The following TMEM63C variants were observed in gnomAD, a reference collection of about 807,000 sequenced individuals.
The protein encoded by TMEM63C is osmosensitive cation channel TMEM63C.
TMEM63C carries 32 observed loss-of-function variants against 99.2 expected under a neutral mutation model. The observed-to-expected ratio is 0.32, with a 90% CI of 0.24 to 0.43. The LOEUF (loss-of-function observed/expected upper bound fraction) is 0.43, where lower values mean the gene tolerates loss of function less well. TMEM63C is among the 20% of genes least tolerant of loss of function. The pLI is 1.00. For synonymous variants in TMEM63C, 376 were observed against 397.9 expected (o/e 0.94, Z 0.66); for missense variants, 826 against 1,053.0 (o/e 0.78, Z 2.98).
At chr14:77,248,644 C>A in intron 19 of TMEM63C, 123 bp from the exon 20 acceptor site, 1 of 1,495,344 alleles carries the variant, frequency 6.7e-7, no homozygotes. Context: ...GCACCTTGGT[C>A]TACAGGGTTG....
chr14:77,239,121 T>C (rs1196873343), intron 10 of TMEM63C, among the ~76,000 whole-genome samples: 2 of 152,242 alleles, frequency 1.3e-5, no homozygotes, highest in African/African-American at 4.8e-5. Flanking sequence ...CCAAGGACAC[T>C]GTTCACTGAG....
chr14:77,244,598 A>G, intron 16 of TMEM63C, 143 bp downstream of exon 16: 1 of 668,888 alleles, frequency 1.5e-6, no homozygotes, highest in Non-Finnish European at 2.6e-6. Context: ...ACCTGAAACC[A>G]TCCCCAAAGA....
At chr14:77,205,613 C>G (rs1888383520) in intron 1 of TMEM63C, among the ~76,000 whole-genome samples, 1 of 152,122 alleles carries the variant, frequency 6.6e-6, no homozygotes, top group African/African-American at 2.4e-5. Context: ...GGGGGAGGAT[C>G]AAGGTCCTCC....
intron 1 of TMEM63C, among the ~76,000 whole-genome samples, chr14:77,189,451 T>C (rs7144771): frequency 0.096 from 14,629 of 152,148 alleles, 1,045 homozygotes; most frequent in African/African-American, 0.21. Context: ...CACAAAACTG[T>C]ACTAGCTATG....
At chr14:77,250,659 C>T (rs1402578243) in intron 21 of TMEM63C, among the ~76,000 whole-genome samples, 2 of 152,014 alleles carry the variant, frequency 1.3e-5, no homozygotes, top group Non-Finnish European at 2.9e-5. Flanking sequence ...AGGCTGGTCT[C>T]GAACTCCTGA....
At chr14:77,243,880 A>G (rs1889224547) in intron 15 of TMEM63C, among the ~76,000 whole-genome samples, 1 of 152,086 alleles carries the variant, frequency 6.6e-6, no homozygotes, top group Admixed American at 6.5e-5. Flanking sequence ...GTGTGCATGC[A>G]CACACGTACA....
chr14:77,199,881 G>A (rs1258604160), intron 1 of TMEM63C, among the ~76,000 whole-genome samples: 1 of 152,338 alleles, frequency 6.6e-6, no homozygotes, highest in South Asian at 2.1e-4. Context: ...CAGAAGTGGA[G>A]GCGGGCAAGA....
intron 5 of TMEM63C, among the ~76,000 whole-genome samples, chr14:77,220,879 C>G (rs1191260744): frequency 1.4e-5 from 2 of 141,722 alleles, no homozygotes; most frequent in East Asian, 4.1e-4. Context: ...GCCTCCCACT[C>G]ACGCCCCGCC....
intron 1 of TMEM63C, among the ~76,000 whole-genome samples, chr14:77,190,654 GAAAT>G (rs1201386674): frequency 2.0e-5 from 3 of 152,038 alleles, no homozygotes; most frequent in Non-Finnish European, 2.9e-5. Context: ...TAGCTCAAAA[GAAAT>G]AAAAAATCAT....
At chr14:77,205,922 T>C (rs1049581569) in intron 1 of TMEM63C, among the ~76,000 whole-genome samples, 1 of 152,194 alleles carries the variant, frequency 6.6e-6, no homozygotes, top group Non-Finnish European at 1.5e-5. Flanking sequence ...ACACCCACTC[T>C]GGGCCTCAGC....
rs1317379377 is a variant in TMEM63C, at chr14:77,249,477, T to C, written c.2038+19T>C. The C allele has an allele frequency of 6.2e-7, 1 of 1,612,608 alleles. No individual in the cohort carries two copies. The highest frequency in any genetic ancestry group is 8.5e-7 in the Non-Finnish European group (1 of 1,179,070). Reference sequence around the variant, plus strand: ...CGGTTGGGTAGGTACCAAGCCAGCCTGGAGACCCCACCTCCACCTGCCCCA... The same window carrying C: ...CGGTTGGGTAGGTACCAAGCCAGCCCGGAGACCCCACCTCCACCTGCCCCA... On this transcript the variant is annotated intron_variant, in intron 21 of 23. Transcript: ENST00000298351.
intron 2 of TMEM63C, among the ~76,000 whole-genome samples, chr14:77,215,955 G>C (rs60467172): frequency 0.017 from 2,608 of 152,242 alleles, 76 homozygotes; most frequent in African/African-American, 0.06. Context: ...TTCCTCTCCT[G>C]TCATTCTCTC....
intron 5 of TMEM63C, among the ~76,000 whole-genome samples, chr14:77,222,196 C>T (rs1888735366): frequency 6.6e-6 from 1 of 152,208 alleles, no homozygotes; most frequent in African/African-American, 2.4e-5. Context: ...CAAAACATTT[C>T]ATGATATCCC....
At position 77,243,069 on chromosome 14, in the gene TMEM63C, C is replaced by T. The variant is rs1417331392; in HGVS notation, c.1341+13C>T. On this transcript the variant is annotated intron_variant, in intron 15 of 23. Coordinates refer to ENST00000298351, the MANE Select transcript of TMEM63C (RefSeq NM_020431.4). ...CGAGAAGCTGCAGGTGCCTCCTCTG[C>T]TCAGGCCAGGCCTGGGGACCCCAGG... 6 of 1,613,268 alleles carry T rather than the reference C, an allele frequency of 3.7e-6. No individual in the cohort carries two copies. Among genetic ancestry groups the T allele is most frequent in the Non-Finnish European group, 5.1e-6 (6 of 1,179,744 alleles).
At chr14:77,219,827 T>C (rs911061231) in intron 4 of TMEM63C, among the ~76,000 whole-genome samples, 179 bp from the exon 5 acceptor site, 1 of 152,204 alleles carries the variant, frequency 6.6e-6, no homozygotes, top group African/African-American at 2.4e-5. Context: ...CTGGTGTACC[T>C]GGCACAGGGG....
chr14:77,243,259 G>A (rs1889212700), intron 15 of TMEM63C, among the ~76,000 whole-genome samples: 1 of 152,186 alleles, frequency 6.6e-6, no homozygotes, highest in Admixed American at 6.5e-5. Flanking sequence ...CCAGTCTTAG[G>A]GACCAGGGCT....
chr14:77,249,645 G>C (rs916174577), intron 21 of TMEM63C, among the ~76,000 whole-genome samples, 187 bp downstream of exon 21: 1 of 152,182 alleles, frequency 6.6e-6, no homozygotes, highest in Non-Finnish European at 1.5e-5. Flanking sequence ...GAGCTTCAAG[G>C]CTAAGAGGAG....
In TMEM63C at chr14:77,256,555, G is replaced by A. The variant is rs141856129; in HGVS notation, c.2250G>A (p.Pro750=). 3.6e-4 allele frequency: 588 copies of A among 1,613,976 alleles called. 1 individual carries two copies. In the African/African-American group the frequency reaches 6.6e-3, roughly 18 times the overall value. ...ATGTGGCCACCGTGCTGCAAGAACC[G>A]GAGTTGAATCTGACCCCCGCCTCCT... ...LLYVATVLQE[P]ELNLTPASSP... is the part of the protein sequence containing the mutation. The change falls in exon 24 of 24, where the codon CCG becomes CCA. Residue 750 remains proline, a synonymous_variant. Transcript: ENST00000298351.
rs144979575 is a variant in TMEM63C, at chr14:77,239,607, C to T, written c.811C>T (p.His271Tyr). 1.5e-3 allele frequency: 2,425 copies of T among 1,613,422 alleles called. 1 individual carries two copies. The highest frequency in any genetic ancestry group is 1.8e-3 in the Non-Finnish European group (2,179 of 1,179,758). ...NLIDLDDQRR[H>Y]AMRGRLFYTA... The stretch of plus-strand genomic sequence containing the variant: ...CCTGTTGCCCACCGCTGGCAGGCGC[C>T]ATGCCATGCGGGGCCGGCTTTTCTA... The change falls in exon 12 of 24, where the codon CAT (histidine) becomes TAT (tyrosine). Residue 271 changes from histidine to tyrosine, a missense_variant. By Grantham distance (83) the His-to-Tyr change is moderately conservative. Coordinates refer to ENST00000298351, the MANE Select transcript of TMEM63C (RefSeq NM_020431.4).
Sources: allele counts gnomAD v4.1 joint callset (sites outside exome capture counted in the v4.1 genomes callset), GRCh38; gene constraint gnomAD v4.1.1; transcripts MANE v1.5; gene names NCBI Gene and HGNC (gene_info 2026-07-23, HGNC 2026-07-21).